Variants in AGBL4 observed in about 807,000 individuals in gnomAD.
AGBL4 encodes AGBL carboxypeptidase 4.
Under a neutral mutation model 66.4 loss-of-function variants are expected in AGBL4, and 58 were observed. The observed-to-expected ratio is 0.87, with a 90% CI of 0.71 to 1.09. The LOEUF (loss-of-function observed/expected upper bound fraction) is 1.09. Among genes scored for constraint, AGBL4 ranks in the 50% least tolerant of loss-of-function variants. The pLI is 0.00. For synonymous variants in AGBL4, 234 were observed against 222.9 expected (o/e 1.05, Z -0.44); for missense variants, 579 against 631.0 (o/e 0.92, Z 0.88).
chr1:49,318,347 T>C (rs1282322150), intron 3 of AGBL4, among the ~76,000 whole-genome samples: 1 of 151,856 alleles, frequency 6.6e-6, no homozygotes, highest in Non-Finnish European at 1.5e-5. Context: ...AATGCATTAG[T>C]TTATGGCAGG....
chr1:48,624,262 T>A (rs1470416030), intron 9 of AGBL4, among the ~76,000 whole-genome samples: 2 of 152,076 alleles, frequency 1.3e-5, no homozygotes, highest in Admixed American at 1.3e-4. Flanking sequence ...TGAGAGAGAA[T>A]TATAGAGGTT....
In AGBL4 at chr1:48,932,396, A is replaced by G. The variant is rs183552714; in HGVS notation, c.595-65166T>C. On this transcript the variant is annotated intron_variant, in intron 5 of 13. Coordinates refer to ENST00000371839, the MANE Select transcript of AGBL4 (RefSeq NM_032785.4). ...TGGAAAGGAAATGCCCAGGAAAGGA[A>G]AGATGCTGTTACTCGTTGAATTTGA... Among the ~76,000 whole-genome samples, 7 of 152,316 alleles carry G rather than the reference A, an allele frequency of 4.6e-5. No individual in the cohort carries two copies. The East Asian group carries it at 1.4e-3, about 29-fold the overall frequency.
intron 4 of AGBL4, among the ~76,000 whole-genome samples, chr1:49,152,173 C>T (rs1569848475): frequency 6.6e-6 from 1 of 152,140 alleles, no homozygotes; most frequent in Admixed American, 6.5e-5. Flanking sequence ...CTGTAGACAG[C>T]ACCATGTCTG....
At chr1:49,207,546 C>CTTCTTTCTTTA (rs1648295256) in intron 4 of AGBL4, among the ~76,000 whole-genome samples, 1 of 76,132 alleles carries the variant, frequency 1.3e-5, no homozygotes, top group African/African-American at 5.9e-5. Context: ...TCTTTCTTTT[C>CTTCTTTCTTTA]TTTCTTTCTT....
At chr1:48,813,904 G>T (rs992839460) in intron 6 of AGBL4, among the ~76,000 whole-genome samples, 1 of 150,974 alleles carries the variant, frequency 6.6e-6, no homozygotes, top group Admixed American at 6.6e-5. Context: ...CTTCATTTTA[G>T]TTCAGCTCAG....
intron 6 of AGBL4, among the ~76,000 whole-genome samples, chr1:48,665,408 A>T (rs1399781720): frequency 1.3e-5 from 2 of 152,240 alleles, no homozygotes; most frequent in Non-Finnish European, 2.9e-5. Context: ...TGGCTATTGA[A>T]TTAATAAATA....
chr1:49,709,114 G>C (rs1184350483), intron 2 of AGBL4, among the ~76,000 whole-genome samples: 2 of 152,206 alleles, frequency 1.3e-5, no homozygotes, highest in African/African-American at 4.8e-5. Flanking sequence ...TCTCTTCAGA[G>C]CTGGCAGGCA....
intron 6 of AGBL4, among the ~76,000 whole-genome samples, chr1:48,806,203 G>A (rs1025404057): frequency 6.6e-6 from 1 of 152,124 alleles, no homozygotes; most frequent in Non-Finnish European, 1.5e-5. Flanking sequence ...CATAACCTTG[G>A]AAATGCAAAT....
At chr1:49,158,375 CATT>C (rs1646475902) in intron 4 of AGBL4, among the ~76,000 whole-genome samples, 1 of 151,930 alleles carries the variant, frequency 6.6e-6, no homozygotes, top group African/African-American at 2.4e-5. Flanking sequence ...AAAAAACTAT[CATT>C]GAGTGAGTTT....
At chr1:49,599,902 C>T (rs967998273) in intron 3 of AGBL4, among the ~76,000 whole-genome samples, 1 of 152,164 alleles carries the variant, frequency 6.6e-6, no homozygotes, top group African/African-American at 2.4e-5. Context: ...TGTTCAGTTT[C>T]CACGTAGCTG....
intron 3 of AGBL4, among the ~76,000 whole-genome samples, chr1:49,476,464 T>A (rs1328933431): frequency 1.3e-5 from 2 of 151,928 alleles, no homozygotes; most frequent in African/African-American, 4.8e-5. Flanking sequence ...TTTTCATTAG[T>A]TTTCTGCCTC....
chr1:49,863,232 C>T (rs1646617529), intron 1 of AGBL4, among the ~76,000 whole-genome samples: 1 of 152,134 alleles, frequency 6.6e-6, no homozygotes, highest in South Asian at 2.1e-4. Context: ...AACAGGATAT[C>T]CATATGGAAA....
At chr1:48,939,646 G>A (rs1655784610) in intron 5 of AGBL4, among the ~76,000 whole-genome samples, 5 of 152,120 alleles carry the variant, frequency 3.3e-5, no homozygotes, top group African/African-American at 9.7e-5. Flanking sequence ...GAATGCCTCC[G>A]TGATATAGCC....
intron 1 of AGBL4, among the ~76,000 whole-genome samples, chr1:50,005,589 C>T (rs1353972778): frequency 6.6e-6 from 1 of 152,096 alleles, no homozygotes; most frequent in Non-Finnish European, 1.5e-5. Flanking sequence ...TCTTCAATGC[C>T]CATACACCAA....
intron 3 of AGBL4, among the ~76,000 whole-genome samples, chr1:49,277,737 GA>G (rs67290360): frequency 0.62 from 87,189 of 141,204 alleles, 26,718 homozygotes; most frequent in Middle Eastern, 0.7. Flanking sequence ...TGGCATAGCT[GA>G]AAAAAAAAAA....
intron 5 of AGBL4, among the ~76,000 whole-genome samples, chr1:48,901,489 G>A (rs563662181): frequency 6.6e-6 from 1 of 152,094 alleles, no homozygotes; most frequent in South Asian, 2.1e-4. Context: ...TTCGAACCTG[G>A]AAATAAGCAA....
chr1:48,653,134 C>A (rs1480125239), intron 8 of AGBL4, among the ~76,000 whole-genome samples: 2 of 152,196 alleles, frequency 1.3e-5, no homozygotes, highest in Non-Finnish European at 2.9e-5. Context: ...TCTAGAAAAA[C>A]CCAGCAAGTG....
intron 3 of AGBL4, among the ~76,000 whole-genome samples, chr1:49,306,402 A>G (rs890255235): frequency 3.3e-5 from 5 of 152,124 alleles, no homozygotes; most frequent in African/African-American, 1.2e-4. Context: ...AAACAGGTAT[A>G]TGTCTGTCTC....
intron 3 of AGBL4, among the ~76,000 whole-genome samples, chr1:49,474,612 TA>T (rs1487081612): frequency 3.3e-5 from 5 of 151,932 alleles, no homozygotes; most frequent in African/African-American, 1.2e-4. Flanking sequence ...TTTGGTGTAT[TA>T]AAATGCTAGT....
Sources: gnomAD v4.1 joint callset for allele counts (sites outside exome capture counted in the v4.1 genomes callset) on GRCh38, gnomAD v4.1.1 for gene constraint, MANE v1.5 for transcripts, NCBI Gene and HGNC (gene_info 2026-07-23, HGNC 2026-07-21) for gene names.